The following ACTR3 variants were observed in gnomAD, a reference collection of about 807,000 sequenced individuals.
ACTR3 encodes actin-related protein 3.
Under a neutral mutation model 56.8 loss-of-function variants are expected in ACTR3, and 12 were observed. That is an observed-to-expected ratio of 0.21 (90% CI 0.14 to 0.34). ACTR3 has a LOEUF of 0.34. Among genes scored for constraint, ACTR3 ranks in the 10% least tolerant of loss-of-function variants. The probability of loss-of-function intolerance (pLI) is 1.00; values close to 1 mark genes in which losing one functional copy is unlikely to be tolerated. For missense variants in ACTR3, 282 were observed against 512.5 expected (o/e 0.55, Z 4.34); for synonymous variants, 162 against 167.4 (o/e 0.97, Z 0.25).
chr2:113,938,957 T>C (rs1400212367), intron 6 of ACTR3, among the ~76,000 whole-genome samples: 1 of 138,118 alleles, frequency 7.2e-6, no homozygotes, highest in Non-Finnish European at 1.7e-5. Flanking sequence ...ACGTTATTTG[T>C]TTCCCTTTTC....
chr2:113,952,389 T>A (rs1402027932), intron 10 of ACTR3: 7 of 152,220 alleles, frequency 4.6e-5, no homozygotes, highest in Non-Finnish European at 1.0e-4. Context: ...GATGTCTACT[T>A]TCTATATTTA....
chr2:113,947,914 A>G (rs991144078), intron 8 of ACTR3, among the ~76,000 whole-genome samples: 3 of 151,500 alleles, frequency 2.0e-5, no homozygotes, highest in Non-Finnish European at 4.4e-5. Flanking sequence ...TTTTTAAAAA[A>G]CCTGTTTTGT....
At chr2:113,908,002 A>T (rs1679230796) in intron 1 of ACTR3, among the ~76,000 whole-genome samples, 1 of 148,412 alleles carries the variant, frequency 6.7e-6, no homozygotes, top group African/African-American at 2.5e-5. Flanking sequence ...AAAAAAAAAA[A>T]GTGGGTTGCT....
intron 1 of ACTR3, among the ~76,000 whole-genome samples, chr2:113,893,915 G>A (rs1379701844): frequency 6.6e-6 from 1 of 152,064 alleles, no homozygotes; most frequent in East Asian, 1.9e-4. Context: ...TATCTTGTAG[G>A]TGTCAGTGAA....
chr2:113,952,409 T>A (rs937771456), intron 10 of ACTR3: 1 of 152,188 alleles, frequency 6.6e-6, no homozygotes, highest in African/African-American at 2.4e-5. Flanking sequence ...AGAGATAGAT[T>A]CTTCATTTTT....
intron 1 of ACTR3, among the ~76,000 whole-genome samples, chr2:113,903,114 CTTGTATACA>C (rs1679132068): frequency 6.6e-6 from 1 of 152,208 alleles, no homozygotes; most frequent in Non-Finnish European, 1.5e-5. Context: ...TAACTGGAAA[CTTGTATACA>C]TTGATCAACA....
intron 1 of ACTR3, among the ~76,000 whole-genome samples, chr2:113,907,426 A>AT (rs1375369738): frequency 6.6e-6 from 1 of 151,934 alleles, no homozygotes. Context: ...TGATTTTTAA[A>AT]TTTTTTGTAG....
chr2:113,914,087 A>G (rs1403010233), intron 2 of ACTR3, among the ~76,000 whole-genome samples: 1 of 138,882 alleles, frequency 7.2e-6, no homozygotes, highest in Non-Finnish European at 1.5e-5. Context: ...TATGTGACTG[A>G]ATTTTTTGTA....
intron 8 of ACTR3, among the ~76,000 whole-genome samples, chr2:113,943,030 G>T (rs939585746): frequency 3.3e-5 from 5 of 152,156 alleles, no homozygotes; most frequent in Admixed American, 3.3e-4. Context: ...CATGATCTCA[G>T]CTTAAGCACT....
upstream of ACTR3, chr2:113,890,054 C>CGGCGGGGCAG: frequency 1.7e-6 from 1 of 573,648 alleles, no homozygotes; most frequent in Admixed American, 3.0e-5. Context: ...GAGGAGGCCG[C>CGGCGGGGCAG]GGCGGGGCAG....
At chr2:113,955,140 G>C (rs182230705) in intron 10 of ACTR3, 1 of 152,326 alleles carries the variant, frequency 6.6e-6, no homozygotes, top group African/African-American at 2.4e-5. Flanking sequence ...CCCAAAACTA[G>C]AATTCAATAT....
chr2:113,911,123 A>G (rs1679298689), intron 1 of ACTR3, among the ~76,000 whole-genome samples: 1 of 152,128 alleles, frequency 6.6e-6, no homozygotes, highest in South Asian at 2.1e-4. Flanking sequence ...ATGTAGTAGG[A>G]GCAGTGTTAA....
Position 113,960,203 on chromosome 2 carries a change from A to G in ACTR3, c.*2748A>G, listed in dbSNP as rs1680300663. The G allele has an allele frequency of 1.3e-5, 2 of 152,024 alleles. No individual in the cohort carries two copies. The highest frequency in any genetic ancestry group is 2.9e-5 in the Non-Finnish European group (2 of 67,920). The allele number at this position is 152,024 out of a possible 1,614,324, so 9.4% of individuals were successfully genotyped here. A position where few individuals can be genotyped will look rare whatever the true frequency, so the allele number is the denominator to read the frequency against. ...AAATCAATGATCATTATCTAACTTGATGCCTGCTTTTCAAAAAGTGAGCAA... is the reference window on the plus strand; with the variant it reads ...AAATCAATGATCATTATCTAACTTGGTGCCTGCTTTTCAAAAAGTGAGCAA... On this transcript the variant is annotated 3_prime_UTR_variant, in exon 12 of 12. Coordinates refer to ENST00000263238, the MANE Select transcript of ACTR3 (RefSeq NM_005721.5).
At chr2:113,896,065 G>A (rs1384987232) in intron 1 of ACTR3, among the ~76,000 whole-genome samples, 1 of 152,108 alleles carries the variant, frequency 6.6e-6, no homozygotes, top group Non-Finnish European at 1.5e-5. Context: ...TCACTGTGTT[G>A]CCTCAGGCTG....
intron 8 of ACTR3, chr2:113,951,193 C>T (rs1317025728): frequency 4.0e-6 from 1 of 248,506 alleles, no homozygotes; most frequent in Non-Finnish European, 7.9e-6. Flanking sequence ...TCAGTGTATA[C>T]TCTCACAGCG....
rs1298813588 is a variant in ACTR3, at chr2:113,927,467, G to T, written c.336+12G>T. 2 of 1,554,786 alleles carry T rather than the reference G, an allele frequency of 1.3e-6. No homozygotes were observed. Among genetic ancestry groups the T allele is most frequent in the Admixed American group, 1.9e-5 (1 of 52,020 alleles). Reference sequence around the variant, plus strand: ...ATTATTTTCTTTTGGTAAGTTACAAGTTATAATTTCACTGAGGAAATTTTT... The same window carrying T: ...ATTATTTTCTTTTGGTAAGTTACAATTTATAATTTCACTGAGGAAATTTTT... On this transcript the variant is annotated intron_variant, in intron 4 of 11. Transcript: ENST00000263238.
chr2:113,930,167 G>T (rs1439009352), intron 4 of ACTR3, among the ~76,000 whole-genome samples: 1 of 151,374 alleles, frequency 6.6e-6, no homozygotes, highest in African/African-American at 2.4e-5. Flanking sequence ...TTTTTTCTTG[G>T]AGTTTATAAT....
chr2:113,941,202 A>C (rs1364478437), intron 7 of ACTR3, among the ~76,000 whole-genome samples: 1 of 152,232 alleles, frequency 6.6e-6, no homozygotes, highest in Non-Finnish European at 1.5e-5. Flanking sequence ...AATGACTACC[A>C]AAAGTTACCC....
rs1369126268 is a variant in ACTR3, at chr2:113,953,012, A to C, written c.1077+1167A>C. The C allele has an allele frequency of 2.0e-5, 3 of 152,314 alleles. No individual in the cohort carries two copies. The East Asian group carries it at 5.8e-4, about 29-fold the overall frequency. 9.4% of individuals were successfully genotyped at this position (152,314 alleles called of 1,614,324 possible). ...CCACATTGATTATGTGAATGAACAT[A>C]GTGCATGTTCTGGTTTTTTTGTTAG... On this transcript the variant is annotated intron_variant, in intron 10 of 11. Coordinates refer to ENST00000263238, the MANE Select transcript of ACTR3 (RefSeq NM_005721.5).
Sources: allele counts gnomAD v4.1 joint callset (sites outside exome capture counted in the v4.1 genomes callset), GRCh38; gene constraint gnomAD v4.1.1; transcripts MANE v1.5; gene names NCBI Gene and HGNC (gene_info 2026-07-23, HGNC 2026-07-21).